Variants in ADAMTS13 observed in about 807,000 individuals in gnomAD.
ADAMTS13 encodes ADAM metallopeptidase with thrombospondin type 1 motif 13, also known as A disintegrin and metalloproteinase with thrombospondin motifs 13.
Under a neutral mutation model 155.1 loss-of-function variants are expected in ADAMTS13, and 110 were observed. The observed-to-expected ratio is 0.71, with a 90% CI of 0.61 to 0.83. ADAMTS13 has a LOEUF of 0.83. ADAMTS13 is among the 40% of genes least tolerant of loss of function. ADAMTS13 has a pLI of 0.00. For synonymous variants in ADAMTS13, 758 were observed against 756.4 expected, an observed-to-expected ratio of 1.00 and a Z score of -0.03; for missense variants, 1,707 against 1,891.7, an observed-to-expected ratio of 0.90 and a Z score of 1.81.
Position 133,434,888 on chromosome 9 carries a change from G to T in ADAMTS13, c.1308+1184G>T, listed in dbSNP as rs1841059620. Reference sequence around the variant, plus strand: ...ACGTACCTGAGGCCAGACAACAGGTGTGCTTCCTGCCTGCCTTCCTCCCCC... The same window carrying T: ...ACGTACCTGAGGCCAGACAACAGGTTTGCTTCCTGCCTGCCTTCCTCCCCC... On this transcript the variant is annotated intron_variant, in intron 11 of 28. Transcript: ENST00000355699. 2.6e-5 allele frequency among the ~76,000 whole-genome samples: 4 copies of T among 152,196 alleles called. No homozygotes were observed. In the South Asian group the frequency reaches 8.3e-4, roughly 32 times the overall value.
At chr9:133,454,677 T>C (rs1033599432) in intron 24 of ADAMTS13, 58 bp downstream of exon 24, 1 of 1,531,654 alleles carries the variant, frequency 6.5e-7, no homozygotes. Context: ...CAGCTGTGGC[T>C]CCTCATGTGT....
chr9:133,440,221 C>A lies in ADAMTS13; in HGVS notation c.1787-123C>A. ...GCCTCCGCTGTGGGGAAGCCTCTAG[C>A]TCAGATGCCTGTGGCTCCTTAGAGG... On this transcript the variant is annotated intron_variant, in intron 15 of 28. Coordinates refer to ENST00000355699, the MANE Select transcript of ADAMTS13 (RefSeq NM_139027.6). This position sits in a 1 kb window ranked among gnomAD's most constrained non-coding sequence, Gnocchi z 4.3. 1 of 1,251,472 alleles carries A rather than the reference C, an allele frequency of 8.0e-7. No individual in the cohort carries two copies. Among genetic ancestry groups the A allele is most frequent in the Non-Finnish European group, 1.1e-6 (1 of 870,262 alleles). 77.5% of individuals were successfully genotyped at this position (1,251,472 alleles called of 1,614,324 possible). A position where few individuals can be genotyped will look rare whatever the true frequency, so the allele number is the denominator to read the frequency against.
At chr9:133,455,902 C>T (rs1842713477) in intron 25 of ADAMTS13, 167 bp from the exon 26 acceptor site, 29 of 909,040 alleles carry the variant, frequency 3.2e-5, no homozygotes, top group Non-Finnish European at 4.8e-5. Flanking sequence ...GGGTGATGCT[C>T]TGACCTATGC....
intron 11 of ADAMTS13, 149 bp from the exon 12 acceptor site, chr9:133,436,680 G>A (rs1257305830): frequency 1.9e-5 from 15 of 807,700 alleles, no homozygotes; most frequent in Admixed American, 6.6e-5. Context: ...TGTCACCCCA[G>A]TTTACAGAGC....
In ADAMTS13 at chr9:133,426,223, T is replaced by A; in HGVS notation, c.564T>A (p.Gly188=). The A allele has an allele frequency of 6.2e-7, 1 of 1,613,804 alleles. No individual in the cohort carries two copies. The highest frequency in any genetic ancestry group is 8.5e-7 in the Non-Finnish European group (1 of 1,179,984). ...GGTTTGACCTGGAGTTGCCTGATGGTAACCGGCAGGTGCGGGGCGTCACCC... is the reference window on the plus strand; with the variant it reads ...GGTTTGACCTGGAGTTGCCTGATGGAAACCGGCAGGTGCGGGGCGTCACCC... The part of the protein sequence containing the change: ...ITRFDLELPD[G]NRQVRGVTQL... The change falls in exon 6 of 29, where the codon GGT becomes GGA. Residue 188 remains glycine (G), a synonymous_variant. Transcript: ENST00000355699.
In ADAMTS13 at chr9:133,450,569, A is replaced by T. The variant is rs782467449; in HGVS notation, c.3044+604A>T. ...AACAGCAGCAAAACTCCATCTCAAAAAAAAAAAAAAAAAAAGAAAACCCAC... is the reference window on the plus strand; with the variant it reads ...AACAGCAGCAAAACTCCATCTCAAATAAAAAAAAAAAAAAAGAAAACCCAC... On this transcript the variant is annotated intron_variant, in intron 23 of 28. Transcript: ENST00000355699. Among the ~76,000 whole-genome samples, 18 of 150,870 alleles carry T rather than the reference A, an allele frequency of 1.2e-4. No individual in the cohort carries two copies. The South Asian group carries it at 1.3e-3, about 11-fold the overall frequency.
chr9:133,433,746 C>T, intron 11 of ADAMTS13, 42 bp downstream of exon 11: 2 of 1,606,148 alleles, frequency 1.2e-6, no homozygotes, highest in Admixed American at 1.7e-5. Context: ...GCTGGTGGCA[C>T]CGGGCCCTGG....
chr9:133,430,378 C>T (rs587753097), intron 8 of ADAMTS13, among the ~76,000 whole-genome samples: 3 of 152,324 alleles, frequency 2.0e-5, no homozygotes, highest in Non-Finnish European at 4.4e-5. Flanking sequence ...TGAGTGAGGA[C>T]ACCAATCTTA....
intron 22 of ADAMTS13, among the ~76,000 whole-genome samples, chr9:133,449,544 T>C (rs1454608855): frequency 2.6e-5 from 4 of 152,160 alleles, no homozygotes; most frequent in Admixed American, 2.6e-4. Flanking sequence ...GTCTCTGGGA[T>C]ACGACATCTG....
At chr9:133,421,031 C>A (rs1261728430), upstream of ADAMTS13, among the ~76,000 whole-genome samples, 1 of 152,080 alleles carries the variant, frequency 6.6e-6, no homozygotes, top group African/African-American at 2.4e-5. Context: ...TTTGGGAGGC[C>A]GAGGCAGTCA....
At position 133,443,630 on chromosome 9, in the gene ADAMTS13, C is replaced by T. The variant is rs1841852474; in HGVS notation, c.2420+69C>T. On this transcript the variant is annotated intron_variant, in intron 19 of 28. Transcript: ENST00000355699. The stretch of plus-strand genomic sequence containing the variant: ...AGAGCTCGTCCCTGCGCTGAGCCCC[C>T]ATCCTTCTGAGAATCCCCTCCTCCT... The T allele has an allele frequency of 5.6e-6, 8 of 1,439,008 alleles. No individual in the cohort carries two copies. In the South Asian group the frequency reaches 9.9e-5, roughly 18 times the overall value. The allele number at this position is 1,439,008 out of a possible 1,614,324, so 89.1% of individuals were successfully genotyped here.
chr9:133,442,410 G>A lies in ADAMTS13; in HGVS notation c.1980G>A (p.Arg660=), dbSNP rs1397130583. 3.7e-6 allele frequency: 6 copies of A among 1,613,814 alleles called. No homozygotes were observed. Among genetic ancestry groups the A allele is most frequent in the Non-Finnish European group, 5.1e-6 (6 of 1,180,042 alleles). The part of the protein sequence containing the change: ...QEDADIQVYR[R]YGEEYGNLTR... Reference sequence around the variant, plus strand: ...CTCTTTGTCTGCAGGTTTACAGGCGGTATGGCGAGGAGTATGGCAACCTCA... The same window carrying A: ...CTCTTTGTCTGCAGGTTTACAGGCGATATGGCGAGGAGTATGGCAACCTCA... The change falls in exon 17 of 29, where the codon CGG becomes CGA. Residue 660 remains arginine (R), a synonymous_variant. Coordinates refer to ENST00000355699, the MANE Select transcript of ADAMTS13 (RefSeq NM_139027.6).
rs782505559 is a variant in ADAMTS13, at chr9:133,445,097, T to G, written c.2610+45T>G. 1 of 1,592,852 alleles carries G rather than the reference T, an allele frequency of 6.3e-7. No individual in the cohort carries two copies. Among genetic ancestry groups the G allele is most frequent in the South Asian group, 1.1e-5 (1 of 89,248 alleles). On this transcript the variant is annotated intron_variant, in intron 20 of 28. Transcript: ENST00000355699. This position sits in a 1 kb window ranked among gnomAD's most constrained non-coding sequence, Gnocchi z 5.0. ...GGGTGGCTGGGGCTGTTGAGTCCTTTACCTGGCTGGGAGAACGAGGAGCAC... is the reference window on the plus strand; with the variant it reads ...GGGTGGCTGGGGCTGTTGAGTCCTTGACCTGGCTGGGAGAACGAGGAGCAC...
chr9:133,426,229 G>A lies in ADAMTS13; in HGVS notation c.570G>A (p.Arg190=). Residue 190 remains arginine (R), a synonymous_variant, in exon 6 of 29, where the codon CGG becomes CGA. Transcript: ENST00000355699. ...RFDLELPDGN[R]QVRGVTQLGG... ...ACCTGGAGTTGCCTGATGGTAACCG[G>A]CAGGTGCGGGGCGTCACCCAGCTGG... 1 of 1,613,612 alleles carries A rather than the reference G, an allele frequency of 6.2e-7. No individual in the cohort carries two copies. Among genetic ancestry groups the A allele is most frequent in the Non-Finnish European group, 8.5e-7 (1 of 1,179,994 alleles).
chr9:133,423,416 T>A (rs587628837), intron 2 of ADAMTS13, among the ~76,000 whole-genome samples: 37 of 152,352 alleles, frequency 2.4e-4, no homozygotes, highest in African/African-American at 6.7e-4. Context: ...GGTCACCGAT[T>A]GGCTGGCCCC....
At position 133,440,605 on chromosome 9, in the gene ADAMTS13, C is replaced by A; in HGVS notation, c.1968+80C>A. ...CTGCTTGCTCGTTTGTCTATCCATC[C>A]ATTCCCTGATTCGTTCATTTATTCA... On this transcript the variant is annotated intron_variant, in intron 16 of 28. Coordinates refer to ENST00000355699, the MANE Select transcript of ADAMTS13 (RefSeq NM_139027.6). The surrounding 1 kb of genome is among the most constrained non-coding windows in gnomAD (Gnocchi z 4.3). 1 of 1,432,446 alleles carries A rather than the reference C, an allele frequency of 7.0e-7. No individual in the cohort carries two copies. Among genetic ancestry groups the A allele is most frequent in the Non-Finnish European group, 9.3e-7 (1 of 1,071,736 alleles). The allele number at this position is 1,432,446 out of a possible 1,614,324, so 88.7% of individuals were successfully genotyped here. A position where few individuals can be genotyped will look rare whatever the true frequency, so the allele number is the denominator to read the frequency against.
Position 133,433,524 on chromosome 9 carries a change from C to A in ADAMTS13, c.1239C>A (p.Asn413Lys). Residue 413 changes from asparagine (N) to lysine (K), a missense_variant, in exon 10 of 29, where the codon AAC becomes AAA. Asn to Lys is a moderately conservative substitution (Grantham distance 94). Transcript: ENST00000355699. ...TCACCAGGAGGCGGCAGTGCAACAA[C>A]CCCAGGTACCGCAGGGAGGGTGCTT... ...GVVTRRRQCN[N>K]PRPAFGGRAC... 1 of 1,613,604 alleles carries A rather than the reference C, an allele frequency of 6.2e-7. No homozygotes were observed. The highest frequency in any genetic ancestry group is 8.5e-7 in the Non-Finnish European group (1 of 1,179,910).
At chr9:133,426,838 T>C (rs1338076918) in intron 6 of ADAMTS13, among the ~76,000 whole-genome samples, 1 of 152,068 alleles carries the variant, frequency 6.6e-6, no homozygotes, top group Admixed American at 6.6e-5. Context: ...AGTTTCGCTC[T>C]TGTTGCCCAG....
chr9:133,430,694 TA>T (rs1391809574), intron 8 of ADAMTS13, among the ~76,000 whole-genome samples: 28,713 of 87,742 alleles, frequency 0.33, 3,636 homozygotes, highest in African/African-American at 0.41. Context: ...TTTTTTTTCC[TA>T]TTTTTTTTTT....
Sources: gnomAD v4.1 joint callset for allele counts (sites outside exome capture counted in the v4.1 genomes callset) on GRCh38, gnomAD v4.1.1 for gene constraint, Gnocchi (gnomAD v3.1) non-coding constraint, MANE v1.5 for transcripts, NCBI Gene and HGNC (gene_info 2026-07-23, HGNC 2026-07-21) for gene names.